SCFD2: variants seen among roughly 807,000 people sequenced by gnomAD.
SCFD2 encodes the protein sec1 family domain-containing protein 2.
In SCFD2, 54 loss-of-function variants were observed where a neutral mutation model predicts 58.9. The observed-to-expected ratio is 0.92, with a 90% CI of 0.74 to 1.15. SCFD2 has a LOEUF of 1.15. Ranked by LOEUF, SCFD2 falls within the 50% of genes most tolerant of loss-of-function variation. The probability of loss-of-function intolerance (pLI) is 0.00; values close to 1 mark genes in which losing one functional copy is unlikely to be tolerated. For synonymous variants in SCFD2, 321 were observed against 335.9 expected (o/e 0.96, Z 0.49); for missense variants, 805 against 836.6 (o/e 0.96, Z 0.47).
chr4:53,055,689 G>C (rs1723317435), intron 5 of SCFD2, among the ~76,000 whole-genome samples: 1 of 152,182 alleles, frequency 6.6e-6, no homozygotes, highest in Admixed American at 6.5e-5. Flanking sequence ...GGACTCACCA[G>C]AGTCTTATGA....
At chr4:53,056,589 G>C (rs370309080) in intron 5 of SCFD2, among the ~76,000 whole-genome samples, 39 of 152,044 alleles carry the variant, frequency 2.6e-4, no homozygotes, top group African/African-American at 8.0e-4. Flanking sequence ...AAATTAGCTT[G>C]GACAAAACTA....
intron 4 of SCFD2, among the ~76,000 whole-genome samples, chr4:53,270,184 C>T (rs530549980): frequency 1.7e-3 from 255 of 152,036 alleles, no homozygotes; most frequent in Non-Finnish European, 3.1e-3. Flanking sequence ...GAATTTGTCC[C>T]AGGAATGCAA....
chr4:52,986,491 A>ATTTT lies in SCFD2; in HGVS notation c.1562-65625_1562-65622dup, dbSNP rs369944739. Among the ~76,000 whole-genome samples, 363 of 84,946 alleles carry ATTTT rather than the reference A, an allele frequency of 4.3e-3. 5 individuals are homozygous for ATTTT. Among genetic ancestry groups the ATTTT allele is most frequent in the African/African-American group, 0.014 (289 of 21,310 alleles). The allele number at this position is 84,946 out of a possible 152,430, so 55.7% of individuals were successfully genotyped here. A position where few individuals can be genotyped will look rare whatever the true frequency, so the allele number is the denominator to read the frequency against. On this transcript the variant is annotated intron_variant, in intron 5 of 8. Coordinates refer to ENST00000401642, the MANE Select transcript of SCFD2 (RefSeq NM_152540.4). ...ATCTCAAGCTTAGGATCTTCATGAA[A>ATTTT]TTTTTTTTTTTTTTTTTTTTTTTTT...
chr4:52,977,682 C>T (rs767894299), intron 5 of SCFD2, among the ~76,000 whole-genome samples: 4 of 152,156 alleles, frequency 2.6e-5, no homozygotes, highest in African/African-American at 7.2e-5. Flanking sequence ...TAGATTCTCT[C>T]GTGCTCTAGT....
intron 5 of SCFD2, among the ~76,000 whole-genome samples, chr4:53,001,299 A>C (rs1251435998): frequency 6.6e-6 from 1 of 152,234 alleles, no homozygotes; most frequent in Non-Finnish European, 1.5e-5. Context: ...TCAGGAGAGC[A>C]CACAGCAGCA....
intron 2 of SCFD2, among the ~76,000 whole-genome samples, chr4:53,317,547 A>T (rs1732902154): frequency 6.6e-6 from 1 of 152,234 alleles, no homozygotes; most frequent in Non-Finnish European, 1.5e-5. Context: ...ATTGAAATCC[A>T]TACTATAATT....
intron 5 of SCFD2, among the ~76,000 whole-genome samples, chr4:53,102,591 C>T (rs899619420): frequency 1.7e-4 from 25 of 151,440 alleles, no homozygotes; most frequent in Non-Finnish European, 2.7e-4. Flanking sequence ...AGAAAATACA[C>T]AAAAAAGATA....
chr4:53,251,222 G>A (rs1158959938), intron 4 of SCFD2, among the ~76,000 whole-genome samples: 8 of 152,170 alleles, frequency 5.3e-5, no homozygotes, highest in Non-Finnish European at 8.8e-5. Context: ...AACAGGATCT[G>A]AAATTGTGGC....
chr4:53,045,367 A>T (rs1723014819), intron 5 of SCFD2, among the ~76,000 whole-genome samples: 1 of 152,130 alleles, frequency 6.6e-6, no homozygotes, highest in South Asian at 2.1e-4. Context: ...TTAATTTGTA[A>T]ATGCAATTTG....
Position 53,180,016 on chromosome 4 carries a change from C to T in SCFD2, c.1312-34434G>A, listed in dbSNP as rs531896745. 2.0e-5 allele frequency among the ~76,000 whole-genome samples: 3 copies of T among 152,210 alleles called. No homozygotes were observed. In the East Asian group the frequency reaches 5.8e-4, roughly 29 times the overall value. The stretch of plus-strand genomic sequence containing the variant: ...ATTCATAAAGCGAGTCCTTAGTGAC[C>T]TACAAAGAGACTTAGACTCCCACAC... On this transcript the variant is annotated intron_variant, in intron 4 of 8. Transcript: ENST00000401642.
At chr4:53,186,954 A>G (rs1331528192) in intron 4 of SCFD2, among the ~76,000 whole-genome samples, 3 of 152,120 alleles carry the variant, frequency 2.0e-5, no homozygotes, top group African/African-American at 7.2e-5. Context: ...AATGTCTTCC[A>G]TAAACATTTC....
chr4:52,873,856 T>C lies in SCFD2; in HGVS notation c.*113A>G. 5 of 698,604 alleles carry C rather than the reference T, an allele frequency of 7.2e-6. No individual in the cohort carries two copies. Among genetic ancestry groups the C allele is most frequent in the Non-Finnish European group, 7.7e-6 (3 of 390,888 alleles). 43.3% of individuals were successfully genotyped at this position (698,604 alleles called of 1,614,324 possible). ...TCAAGACCCTTCAGGCAGAATTCCATCATTCTCGCAATTAGTGACAGGGAC... is the reference window on the plus strand; with the variant it reads ...TCAAGACCCTTCAGGCAGAATTCCACCATTCTCGCAATTAGTGACAGGGAC... On this transcript the variant is annotated 3_prime_UTR_variant, in exon 9 of 9. Transcript: ENST00000401642.
At chr4:52,960,739 ACACAC>A (rs1253325940) in intron 5 of SCFD2, among the ~76,000 whole-genome samples, 1 of 151,720 alleles carries the variant, frequency 6.6e-6, no homozygotes, top group East Asian at 1.9e-4. Flanking sequence ...ACACACACAC[ACACAC>A]CACACATGTG....
chr4:53,082,612 T>A (rs1437409773), intron 5 of SCFD2, among the ~76,000 whole-genome samples: 1 of 152,108 alleles, frequency 6.6e-6, no homozygotes, highest in Admixed American at 6.6e-5. Context: ...AAGATTCACA[T>A]TTGAATTGGT....
chr4:53,073,581 G>A (rs1164732558), intron 5 of SCFD2, among the ~76,000 whole-genome samples: 5 of 152,090 alleles, frequency 3.3e-5, no homozygotes, highest in African/African-American at 1.2e-4. Context: ...AGATCAAGAT[G>A]CTGAAAAGAA....
chr4:53,116,287 A>G (rs1299456857), intron 5 of SCFD2, among the ~76,000 whole-genome samples: 2 of 152,234 alleles, frequency 1.3e-5, no homozygotes, highest in Admixed American at 1.3e-4. Flanking sequence ...CATAGTGACA[A>G]GCAGGGAAGC....
chr4:53,133,192 G>A (rs1405614900), intron 5 of SCFD2, among the ~76,000 whole-genome samples: 1 of 151,998 alleles, frequency 6.6e-6, no homozygotes, highest in African/African-American at 2.4e-5. Context: ...GCCGGGCGTG[G>A]TGGCGGGTGC....
intron 3 of SCFD2, among the ~76,000 whole-genome samples, chr4:53,308,502 TTCTC>T (rs1417293428): frequency 1.3e-5 from 2 of 151,990 alleles, no homozygotes; most frequent in African/African-American, 2.4e-5. Flanking sequence ...CTCTCTCTCT[TTCTC>T]TCTCTCTTAT....
intron 5 of SCFD2, among the ~76,000 whole-genome samples, chr4:53,098,065 C>T (rs1465644750): frequency 1.3e-5 from 2 of 152,086 alleles, no homozygotes; most frequent in African/African-American, 2.4e-5. Flanking sequence ...AGGGATGAAG[C>T]CCACTTGATC....
Sources: allele counts gnomAD v4.1 joint callset (sites outside exome capture counted in the v4.1 genomes callset), GRCh38; gene constraint gnomAD v4.1.1; transcripts MANE v1.5; gene names NCBI Gene and HGNC (gene_info 2026-07-23, HGNC 2026-07-21).